The following CCNB1IP1 variants were observed in gnomAD, a reference collection of about 807,000 sequenced individuals.
CCNB1IP1 encodes the protein cyclin B1 interacting protein 1.
Under a neutral mutation model 25.6 loss-of-function variants are expected in CCNB1IP1, and 14 were observed. The ratio of observed to expected loss-of-function variants is 0.55; its 90% CI spans 0.36 to 0.85. The LOEUF (loss-of-function observed/expected upper bound fraction) is 0.85. Ranked by LOEUF, CCNB1IP1 falls within the 40% of genes least tolerant of loss-of-function variation. CCNB1IP1 has a pLI of 0.01. For synonymous variants in CCNB1IP1, 119 were observed against 116.1 expected, an observed-to-expected ratio of 1.02 and a Z score of -0.16; for missense variants, 278 against 342.4, an observed-to-expected ratio of 0.81 and a Z score of 1.48.
Position 20,313,838 on chromosome 14 carries a change from G to A in CCNB1IP1, c.298-37C>T, listed in dbSNP as rs1284361093. 2.8e-6 allele frequency: 4 copies of A among 1,432,134 alleles called. No homozygotes were observed. The African/African-American group carries it at 4.3e-5, about 15-fold the overall frequency. The allele number at this position is 1,432,134 out of a possible 1,614,324, so 88.7% of individuals were successfully genotyped here. A position where few individuals can be genotyped will look rare whatever the true frequency, so the allele number is the denominator to read the frequency against. ...AGAAAAAAGATTTTTAAGGTATTGG[G>A]TACAAAGTTATATATTGTAAAATGT... On this transcript the variant is annotated intron_variant, in intron 5 of 6. Transcript: ENST00000358932.
chr14:20,328,834 G>A (rs1394053105), intron 2 of CCNB1IP1, among the ~76,000 whole-genome samples: 3 of 152,142 alleles, frequency 2.0e-5, no homozygotes, highest in African/African-American at 7.2e-5. Flanking sequence ...TTCAACAAGT[G>A]TCATTCCACC....
rs369049939 is a variant in CCNB1IP1, at chr14:20,313,760, C to T, written c.339G>A (p.Lys113=). The part of the protein sequence containing the change: ...ERLYQEYNFS[K]AEGHLKQMEK... ...CCATCTGTTTCAGATGGCCCTCAGCCTTGCTGAAATTGTATTCTTGATAGA... is the reference window on the plus strand; with the variant it reads ...CCATCTGTTTCAGATGGCCCTCAGCTTTGCTGAAATTGTATTCTTGATAGA... Residue 113 remains lysine, a synonymous_variant, in exon 6 of 7, where the codon AAG becomes AAA. Coordinates refer to ENST00000358932, the MANE Select transcript of CCNB1IP1 (RefSeq NM_021178.5). The T allele has an allele frequency of 1.3e-6, 2 of 1,597,716 alleles. No homozygotes were observed. Among genetic ancestry groups the T allele is most frequent in the East Asian group, 2.2e-5 (1 of 44,708 alleles).
rs1594275659 is a variant in CCNB1IP1, at chr14:20,315,935, T to C, written c.297+292A>G. 1.6e-5 allele frequency: 7 copies of C among 443,468 alleles called. No homozygotes were observed. In the East Asian group the frequency reaches 3.2e-4, roughly 20 times the overall value. 27.5% of individuals were successfully genotyped at this position (443,468 alleles called of 1,614,324 possible). On this transcript the variant is annotated intron_variant, in intron 5 of 6. Coordinates refer to ENST00000358932, the MANE Select transcript of CCNB1IP1 (RefSeq NM_021178.5). ...TACTGTCAACTCTTAACAATAAAAG[T>C]GTGTGTGTTATCTTACTTTTATACA...
At chr14:20,319,366 T>G (rs1214282097) in intron 4 of CCNB1IP1, among the ~76,000 whole-genome samples, 2 of 152,262 alleles carry the variant, frequency 1.3e-5, no homozygotes, top group Non-Finnish European at 2.9e-5. Context: ...TCTTCATGTG[T>G]GAACCATATA....
intron 5 of CCNB1IP1, among the ~76,000 whole-genome samples, chr14:20,315,122 C>A (rs1594275018): frequency 3.8e-5 from 1 of 26,558 alleles, no homozygotes; most frequent in East Asian, 1.2e-3. Context: ...CCAAGAACTT[C>A]ATATACACCT....
chr14:20,313,622 G>A lies in CCNB1IP1; in HGVS notation c.477C>T (p.Asp159=). The A allele has an allele frequency of 6.2e-7, 1 of 1,614,166 alleles. No individual in the cohort carries two copies. The highest frequency in any genetic ancestry group is 8.5e-7 in the Non-Finnish European group (1 of 1,180,020). Residue 159 remains aspartate (D), a synonymous_variant, in exon 6 of 7, where the codon GAC becomes GAT. Coordinates refer to ENST00000358932, the MANE Select transcript of CCNB1IP1 (RefSeq NM_021178.5). ...TGCGCTCCATAAGTTTCTCAGAGAT[G>A]TCACTGAACTTTTTCTTGTATTCTT... The part of the protein sequence containing the change: ...VLEEYKKKFS[D]ISEKLMERNR...
In CCNB1IP1 at chr14:20,313,800, A is replaced by T; in HGVS notation, c.299T>A (p.Val100Glu). Reference protein sequence around the residue: ...SRALAFWTYQVHQERLYQEYN... With the variant: ...SRALAFWTYQEHQERLYQEYN... Reference sequence around the variant, plus strand: ...TTCTTGATAGAGACGTTCCTGATGTACCTGGTTCCAAAAGAAAAAAGATTT... The same window carrying T: ...TTCTTGATAGAGACGTTCCTGATGTTCCTGGTTCCAAAAGAAAAAAGATTT... Residue 100 changes from valine to glutamate, a missense_variant and splice_region_variant, in exon 6 of 7, where the codon GTA (valine) becomes GAA (glutamate). Physicochemically the swap from Val to Glu is moderately radical, Grantham distance 121. Transcript: ENST00000358932. 5 of 1,546,026 alleles carry T rather than the reference A, an allele frequency of 3.2e-6. No individual in the cohort carries two copies. The highest frequency in any genetic ancestry group is 4.3e-6 in the Non-Finnish European group (5 of 1,150,694).
intron 1 of CCNB1IP1, among the ~76,000 whole-genome samples, chr14:20,332,159 C>T (rs1055008855): frequency 3.3e-5 from 5 of 149,946 alleles, no homozygotes; most frequent in South Asian, 2.1e-4. Context: ...CTCAGCCTCC[C>T]GAGTAGCTGG....
chr14:20,316,690 A>T, intron 4 of CCNB1IP1, 130 bp from the exon 5 acceptor site: 1 of 577,878 alleles, frequency 1.7e-6, no homozygotes, highest in Non-Finnish European at 3.0e-6. Context: ...TATTTATTAT[A>T]ATTGATATAT....
chr14:20,327,478 AAG>A (rs1235106261), intron 2 of CCNB1IP1, among the ~76,000 whole-genome samples: 1 of 151,206 alleles, frequency 6.6e-6, no homozygotes, highest in Non-Finnish European at 1.5e-5. Flanking sequence ...CAGTGTAAGA[AAG>A]AGTCTTGCTT....
intron 2 of CCNB1IP1, among the ~76,000 whole-genome samples, chr14:20,328,294 C>G (rs1238171640): frequency 6.6e-6 from 1 of 152,154 alleles, no homozygotes; most frequent in Non-Finnish European, 1.5e-5. Flanking sequence ...AGGAAATACA[C>G]AGAGCTAAAG....
chr14:20,314,135 G>A (rs1882599072), intron 5 of CCNB1IP1: 1 of 187,128 alleles, frequency 5.3e-6, no homozygotes, highest in Non-Finnish European at 1.1e-5. Flanking sequence ...AGAGCATGAA[G>A]AATAGACTCT....
intron 6 of CCNB1IP1, 101 bp downstream of exon 6, chr14:20,313,367 G>C (rs1444846181): frequency 5.4e-6 from 5 of 927,530 alleles, no homozygotes; most frequent in Non-Finnish European, 8.1e-6. Context: ...CTCAATGCTT[G>C]TCTTATCCTT....
At chr14:20,324,478 G>T (rs993314578) in intron 4 of CCNB1IP1, among the ~76,000 whole-genome samples, 2 of 152,134 alleles carry the variant, frequency 1.3e-5, no homozygotes, top group African/African-American at 2.4e-5. Context: ...GAGCCACCAC[G>T]TCAGGCCAAA....
chr14:20,331,716 TA>T (rs1566407722), intron 1 of CCNB1IP1, among the ~76,000 whole-genome samples: 1 of 151,628 alleles, frequency 6.6e-6, no homozygotes, highest in Non-Finnish European at 1.5e-5. Context: ...ATATATTTTT[TA>T]AAAAAAATAA....
intron 5 of CCNB1IP1, 49 bp downstream of exon 5, chr14:20,316,178 A>G: frequency 6.5e-7 from 1 of 1,530,558 alleles, no homozygotes; most frequent in Non-Finnish European, 8.9e-7. Context: ...AGAAGTTCCC[A>G]CAAATGCCAT....
chr14:20,316,001 C>T (rs574047259), intron 5 of CCNB1IP1, among the ~76,000 whole-genome samples: 23 of 152,090 alleles, frequency 1.5e-4, no homozygotes, highest in African/African-American at 5.5e-4. Context: ...TGTGTATACC[C>T]AAAATATAAA....
intron 1 of CCNB1IP1, 59 bp from the exon 2 acceptor site, chr14:20,329,432 C>G (rs1233805562): frequency 6.6e-6 from 1 of 152,186 alleles, no homozygotes; most frequent in African/African-American, 2.4e-5. Context: ...AGACTAATAG[C>G]TTGGTATAGT....
At chr14:20,319,967 G>A (rs139755427) in intron 4 of CCNB1IP1, among the ~76,000 whole-genome samples, 14 of 152,314 alleles carry the variant, frequency 9.2e-5, no homozygotes, top group African/African-American at 2.9e-4. Context: ...TGGTATCTCA[G>A]TGTTGTTTTA....
Sources: allele counts gnomAD v4.1 joint callset (sites outside exome capture counted in the v4.1 genomes callset), GRCh38; gene constraint gnomAD v4.1.1; transcripts MANE v1.5; gene names NCBI Gene and HGNC (gene_info 2026-07-23, HGNC 2026-07-21).